The following SAMMSON variants were observed in gnomAD, a reference collection of about 807,000 sequenced individuals.
SAMMSON encodes survival associated mitochondrial melanoma specific oncogenic non-coding RNA, also known as long intergenic non-protein coding RNA 1212.
intron 3 of SAMMSON, among the ~76,000 whole-genome samples, chr3:70,054,816 A>T (rs2067161381): frequency 6.6e-6 from 1 of 152,086 alleles, no homozygotes; most frequent in South Asian, 2.1e-4. Flanking sequence ...TAGCTGCTTC[A>T]TCCCTGCTCA....
chr3:70,340,029 A>G (rs1048355295), intron 7 of SAMMSON, among the ~76,000 whole-genome samples: 1 of 152,118 alleles, frequency 6.6e-6, no homozygotes, highest in African/African-American at 2.4e-5. Context: ...GATAGACTGG[A>G]TTAAGAAAAT....
intron 4 of SAMMSON, among the ~76,000 whole-genome samples, chr3:70,132,661 G>A (rs910661770): frequency 3.3e-5 from 5 of 151,742 alleles, no homozygotes; most frequent in African/African-American, 1.2e-4. Flanking sequence ...GGAACCTTGG[G>A]TTGGGTGTGG....
At chr3:70,139,896 A>C (rs2067521077) in intron 4 of SAMMSON, among the ~76,000 whole-genome samples, 1 of 152,110 alleles carries the variant, frequency 6.6e-6, no homozygotes, top group South Asian at 2.1e-4. Flanking sequence ...CTCCATTGAG[A>C]TAGCTGATCC....
At chr3:70,413,857 T>A (rs544923075) in intron 2 of SAMMSON, among the ~76,000 whole-genome samples, 2 of 152,246 alleles carry the variant, frequency 1.3e-5, no homozygotes, top group African/African-American at 4.8e-5. Context: ...TCTGCCATTA[T>A]TAGTTTGCAG....
At chr3:70,425,435 G>A (rs958764868) in intron 2 of SAMMSON, among the ~76,000 whole-genome samples, 23 of 148,782 alleles carry the variant, frequency 1.5e-4, no homozygotes, top group East Asian at 3.9e-4. Flanking sequence ...TTATTGAGTC[G>A]GAGTCTCACT....
chr3:70,080,451 C>T (rs1362706980), intron 4 of SAMMSON, among the ~76,000 whole-genome samples: 2 of 152,160 alleles, frequency 1.3e-5, no homozygotes, highest in Non-Finnish European at 2.9e-5. Context: ...ATGATTGAAA[C>T]AGTAATGGGG....
chr3:70,008,261 A>C (rs2066937239), intron 1 of SAMMSON, among the ~76,000 whole-genome samples: 1 of 152,084 alleles, frequency 6.6e-6, no homozygotes, highest in South Asian at 2.1e-4. Flanking sequence ...CACGATATTG[A>C]TTCTTCCTAC....
At chr3:70,334,765 A>G (rs897952383) in intron 7 of SAMMSON, among the ~76,000 whole-genome samples, 9 of 152,132 alleles carry the variant, frequency 5.9e-5, no homozygotes, top group African/African-American at 2.2e-4. Context: ...TTGCTAATGA[A>G]TTAAAGAGCT....
intron 2 of SAMMSON, among the ~76,000 whole-genome samples, chr3:70,409,956 CA>C (rs1254943787): frequency 2.0e-5 from 3 of 152,104 alleles, no homozygotes; most frequent in Non-Finnish European, 4.4e-5. Context: ...AACAGTTTTT[CA>C]ACCCCCTAGC....
chr3:70,187,496 G>T (rs1452642769), intron 4 of SAMMSON, among the ~76,000 whole-genome samples: 2 of 137,508 alleles, frequency 1.5e-5, no homozygotes, highest in African/African-American at 5.6e-5. Flanking sequence ...GGAGTGCAGT[G>T]GCGCGATCTC....
At chr3:70,022,426 C>CAAAAAA (rs60455629) in intron 3 of SAMMSON, among the ~76,000 whole-genome samples, 54 of 91,102 alleles carry the variant, frequency 5.9e-4, no homozygotes, top group Non-Finnish European at 8.3e-4. Flanking sequence ...AGTATAATAA[C>CAAAAAA]AAAAAAAAAA....
chr3:70,196,458 C>T (rs190756664), intron 4 of SAMMSON, among the ~76,000 whole-genome samples: 274 of 151,998 alleles, frequency 1.8e-3, no homozygotes, highest in Non-Finnish European at 3.1e-3. Flanking sequence ...TGATGTTATA[C>T]AATACATTAT....
chr3:70,316,119 T>C (rs149075100), intron 7 of SAMMSON, among the ~76,000 whole-genome samples: 1 of 152,170 alleles, frequency 6.6e-6, no homozygotes, highest in Non-Finnish European at 1.5e-5. Flanking sequence ...AGAAATATAA[T>C]CTTTAAGGGC....
At chr3:70,249,622 T>G (rs60142787) in exon 6 of SAMMSON, 36,591 of 151,924 alleles carry the variant, frequency 0.24, 4,940 homozygotes, top group South Asian at 0.37. Flanking sequence ...TGGAAAGAAA[T>G]GTAATGTTTT....
At chr3:70,334,680 C>G (rs115166688) in intron 7 of SAMMSON, among the ~76,000 whole-genome samples, 1 of 151,996 alleles carries the variant, frequency 6.6e-6, no homozygotes, top group Non-Finnish European at 1.5e-5. Context: ...TCACAACAAC[C>G]CTGTAAGCTA....
chr3:70,022,680 C>T (rs915909092), intron 3 of SAMMSON, among the ~76,000 whole-genome samples: 4 of 152,092 alleles, frequency 2.6e-5, no homozygotes, highest in African/African-American at 9.7e-5. Flanking sequence ...ACCATTTCAC[C>T]ATGTCTTCTT....
intron 7 of SAMMSON, among the ~76,000 whole-genome samples, chr3:70,306,247 G>A (rs551999566): frequency 6.6e-6 from 1 of 152,144 alleles, no homozygotes; most frequent in South Asian, 2.1e-4. Flanking sequence ...GGGATTACAG[G>A]CACTCGCCAC....
chr3:70,298,113 G>A (rs1156817694), intron 7 of SAMMSON, among the ~76,000 whole-genome samples: 1 of 152,032 alleles, frequency 6.6e-6, no homozygotes, highest in Non-Finnish European at 1.5e-5. Flanking sequence ...TGGAGAGATG[G>A]TTTGACCAGA....
intron 3 of SAMMSON, chr3:70,069,796 G>T (rs548856314): frequency 6.6e-6 from 1 of 152,262 alleles, no homozygotes; most frequent in Non-Finnish European, 1.5e-5. Context: ...TAATGTCAGA[G>T]CAGCAATTTG....
Sources: gnomAD v4.1 joint callset for allele counts (sites outside exome capture counted in the v4.1 genomes callset) on GRCh38, gnomAD v4.1.1 for gene constraint, MANE v1.5 for transcripts, NCBI Gene and HGNC (gene_info 2026-07-23, HGNC 2026-07-21) for gene names.